PPARGC1A: variants seen among roughly 807,000 people sequenced by gnomAD.
The protein encoded by PPARGC1A is peroxisome proliferator-activated receptor gamma coactivator 1-alpha.
In PPARGC1A, 25 loss-of-function variants were observed where a neutral mutation model predicts 88.7. The observed-to-expected ratio is 0.28, with a 90% CI of 0.21 to 0.39. The LOEUF is 0.39. PPARGC1A is among the 10% of genes least tolerant of loss of function. PPARGC1A has a pLI of 1.00. For missense variants in PPARGC1A, 880 were observed against 968.7 expected (o/e 0.91, Z 1.22); for synonymous variants, 363 against 355.6 (o/e 1.02, Z -0.24).
At chr4:23,881,045 T>C (rs1715825328) in intron 2 of PPARGC1A, 2 of 152,196 alleles carry the variant, frequency 1.3e-5, no homozygotes, top group Non-Finnish European at 2.9e-5. Context: ...AAGGCCAATA[T>C]GCTATTTAAA....
the PPARGC1A span, among the ~76,000 whole-genome samples, chr4:23,982,940 T>C: frequency 6.6e-6 from 1 of 152,156 alleles, no homozygotes; most frequent in Non-Finnish European, 1.5e-5. Flanking sequence ...GTTTTATAAA[T>C]AAAGTTTTAT....
At chr4:24,217,964 A>T in the PPARGC1A span, among the ~76,000 whole-genome samples, 2 of 152,332 alleles carry the variant, frequency 1.3e-5, no homozygotes, top group South Asian at 4.1e-4. Context: ...TTATACAAAA[A>T]TCACAAAACT....
At chr4:23,946,971 ATC>A in the PPARGC1A span, among the ~76,000 whole-genome samples, 1 of 152,044 alleles carries the variant, frequency 6.6e-6, no homozygotes, top group Non-Finnish European at 1.5e-5. Flanking sequence ...ATCATGCACT[ATC>A]TGCCTCTGGC....
At chr4:23,913,302 AG>A in the PPARGC1A span, among the ~76,000 whole-genome samples, 62 of 142,814 alleles carry the variant, frequency 4.3e-4, no homozygotes, top group Non-Finnish European at 7.0e-4. Flanking sequence ...AGAGAGAGAG[AG>A]AGAGAAAGAG....
the PPARGC1A span, among the ~76,000 whole-genome samples, chr4:24,336,391 C>T: frequency 1.3e-5 from 2 of 152,096 alleles, no homozygotes; most frequent in South Asian, 4.2e-4. Context: ...AAATGGATTA[C>T]AGAACTGGAT....
At chr4:24,251,971 C>T in the PPARGC1A span, among the ~76,000 whole-genome samples, 1 of 152,088 alleles carries the variant, frequency 6.6e-6, no homozygotes, top group African/African-American at 2.4e-5. Flanking sequence ...ACTAATAGTA[C>T]TTTATTACTA....
the PPARGC1A span, among the ~76,000 whole-genome samples, chr4:24,322,741 G>A: frequency 1.3e-5 from 2 of 152,154 alleles, no homozygotes; most frequent in African/African-American, 4.8e-5. Flanking sequence ...CATGCACTAT[G>A]ACTCAGGGCT....
At chr4:24,020,269 T>C in the PPARGC1A span, among the ~76,000 whole-genome samples, 842 of 152,322 alleles carry the variant, frequency 5.5e-3, 6 homozygotes, top group African/African-American at 0.017. Context: ...TAAATAATCC[T>C]GTCAATGGCT....
At chr4:23,879,952 C>T (rs1715588672) in intron 2 of PPARGC1A, 1 of 152,176 alleles carries the variant, frequency 6.6e-6, no homozygotes, top group Non-Finnish European at 1.5e-5. Context: ...AGCTCACCTC[C>T]ACATCCCGTC....
the PPARGC1A span, among the ~76,000 whole-genome samples, chr4:24,304,293 C>T: frequency 6.6e-6 from 1 of 152,200 alleles, no homozygotes; most frequent in Non-Finnish European, 1.5e-5. Context: ...AAAAGGCCCC[C>T]AGACTTGTTA....
At chr4:24,276,628 C>G in the PPARGC1A span, among the ~76,000 whole-genome samples, 1 of 152,190 alleles carries the variant, frequency 6.6e-6, no homozygotes, top group African/African-American at 2.4e-5. Flanking sequence ...ACTACTCTCT[C>G]AATACCCTGG....
At chr4:24,026,766 T>C in the PPARGC1A span, among the ~76,000 whole-genome samples, 26 of 152,090 alleles carry the variant, frequency 1.7e-4, no homozygotes, top group African/African-American at 6.3e-4. Flanking sequence ...AGGAGCAGGG[T>C]GTATAGGAAA....
upstream of PPARGC1A, among the ~76,000 whole-genome samples, chr4:23,906,416 C>G (rs1182424281): frequency 6.6e-6 from 1 of 151,644 alleles, no homozygotes; most frequent in East Asian, 1.9e-4. Context: ...AGTTCAAGAC[C>G]AGCCGGGCCA....
the PPARGC1A span, among the ~76,000 whole-genome samples, chr4:24,441,259 G>A: frequency 3.9e-5 from 6 of 152,272 alleles, no homozygotes; most frequent in Admixed American, 2.0e-4. Flanking sequence ...AGGTGCTTAC[G>A]AAATGATAGC....
intron 2 of PPARGC1A, among the ~76,000 whole-genome samples, chr4:23,844,412 A>AATATATAATATATTAT (rs1727638645): frequency 7.9e-6 from 1 of 126,380 alleles, no homozygotes; most frequent in Non-Finnish European, 1.6e-5. Context: ...ATCATATAAT[A>AATATATAATATATTAT]ATATATAATA....
chr4:23,984,566 T>C, the PPARGC1A span, among the ~76,000 whole-genome samples: 1 of 152,026 alleles, frequency 6.6e-6, no homozygotes, highest in African/African-American at 2.4e-5. Context: ...TTAAAAAAAG[T>C]CTTAGGGAAT....
At chr4:24,294,173 G>A in the PPARGC1A span, among the ~76,000 whole-genome samples, 1 of 152,146 alleles carries the variant, frequency 6.6e-6, no homozygotes, top group African/African-American at 2.4e-5. Context: ...GAACTCAGGG[G>A]CCCGTTGCCC....
At chr4:23,847,158 C>T (rs1291368056) in intron 2 of PPARGC1A, among the ~76,000 whole-genome samples, 2 of 152,078 alleles carry the variant, frequency 1.3e-5, no homozygotes, top group East Asian at 3.9e-4. Context: ...AAGAATCACA[C>T]CTGTAAAAGA....
At chr4:23,866,057 A>T (rs1711907627) in intron 2 of PPARGC1A, 2 of 152,216 alleles carry the variant, frequency 1.3e-5, no homozygotes, top group Non-Finnish European at 2.9e-5. Flanking sequence ...GACAGACAAG[A>T]ATTGACAGAG....
Sources: gnomAD v4.1 joint callset for allele counts (sites outside exome capture counted in the v4.1 genomes callset) on GRCh38, gnomAD v4.1.1 for gene constraint, MANE v1.5 for transcripts, NCBI Gene and HGNC (gene_info 2026-07-23, HGNC 2026-07-21) for gene names.